The following SLC12A1 variants were observed in gnomAD, a reference collection of about 807,000 sequenced individuals.
SLC12A1 encodes the protein Na-K-2Cl cotransporter.
In SLC12A1, 89 loss-of-function variants were observed where a neutral mutation model predicts 130.4. The ratio of observed to expected loss-of-function variants is 0.68; its 90% CI spans 0.58 to 0.81. The LOEUF (loss-of-function observed/expected upper bound fraction) is 0.81, where lower values mean the gene tolerates loss of function less well. Among genes scored for constraint, SLC12A1 ranks in the 40% least tolerant of loss-of-function variants. The pLI is 0.00. For synonymous variants in SLC12A1, 499 were observed against 460.0 expected (o/e 1.08, Z -1.09); for missense variants, 1,310 against 1,336.4 (o/e 0.98, Z 0.31).
chr15:48,238,103 C>G (rs77612644), intron 9 of SLC12A1, among the ~76,000 whole-genome samples: 1 of 152,310 alleles, frequency 6.6e-6, no homozygotes, highest in African/African-American at 2.4e-5. Context: ...AGAAAATTGT[C>G]CCCAAATGAT....
At chr15:48,301,589 G>A (rs1192195098) in intron 26 of SLC12A1, among the ~76,000 whole-genome samples, 1 of 151,548 alleles carries the variant, frequency 6.6e-6, no homozygotes, top group Non-Finnish European at 1.5e-5. Context: ...ATGAGCATCA[G>A]AGAGCCTCAC....
intron 15 of SLC12A1, among the ~76,000 whole-genome samples, chr15:48,253,646 C>G (rs1034468823): frequency 1.3e-5 from 2 of 151,904 alleles, no homozygotes; most frequent in Non-Finnish European, 2.9e-5. Flanking sequence ...TTTATGTGGA[C>G]TTATGTTTTC....
At position 48,269,912 on chromosome 15, in the gene SLC12A1, G is replaced by GA. The variant is rs199865769; in HGVS notation, c.2402+155dup. ...GGTACTCTGACTTCTTTTCCAAGGTGAAAAAAACACCACCAATAATAGAGT... is the reference window on the plus strand; with the variant it reads ...GGTACTCTGACTTCTTTTCCAAGGTGAAAAAAAACACCACCAATAATAGAGT... On this transcript the variant is annotated intron_variant, in intron 19 of 26. Coordinates refer to ENST00000380993, the MANE Select transcript of SLC12A1 (RefSeq NM_000338.3). The GA allele has an allele frequency of 1.2e-3, 550 of 445,260 alleles. 2 individuals are homozygous for GA. The East Asian group carries it at 0.012, about 10-fold the overall frequency. The allele number at this position is 445,260 out of a possible 1,614,324, so 27.6% of individuals were successfully genotyped here.
chr15:48,226,575 A>T lies in SLC12A1; in HGVS notation c.724+4A>T, dbSNP rs774515747. 1 of 1,586,846 alleles carries T rather than the reference A, an allele frequency of 6.3e-7. No individual in the cohort carries two copies. ...ACTAACGGGTTTGTTCGTGGAGGTA[A>T]AATCTCTAAGATATCTAATGCCCTC... On this transcript the variant is annotated splice_donor_region_variant and intron_variant, in intron 5 of 26. Coordinates refer to ENST00000380993, the MANE Select transcript of SLC12A1 (RefSeq NM_000338.3).
At chr15:48,259,379 G>T in intron 17 of SLC12A1, 68 bp downstream of exon 17, 1 of 1,085,290 alleles carries the variant, frequency 9.2e-7, no homozygotes, top group Non-Finnish European at 1.4e-6. Flanking sequence ...TTTGGGTGAG[G>T]AGAAAAGGTA....
chr15:48,302,950 C>T lies in SLC12A1; in HGVS notation c.*65C>T, dbSNP rs1005579835. 3.9e-6 allele frequency: 5 copies of T among 1,266,386 alleles called. No homozygotes were observed. The highest frequency in any genetic ancestry group is 5.6e-6 in the Non-Finnish European group (5 of 894,980). 78.4% of individuals were successfully genotyped at this position (1,266,386 alleles called of 1,614,324 possible). ...CATAATTAAGAAACATGTTCCAGTA[C>T]TTTATGTTGTAAATCTGATCTATGG... On this transcript the variant is annotated 3_prime_UTR_variant, in exon 27 of 27. Transcript: ENST00000380993.
chr15:48,264,239 C>A (rs939362919), intron 17 of SLC12A1, among the ~76,000 whole-genome samples: 2 of 152,076 alleles, frequency 1.3e-5, no homozygotes, highest in Admixed American at 1.3e-4. Flanking sequence ...GGACTTTGAC[C>A]GGCTCTTAGA....
chr15:48,220,181 A>AGATT (rs2041192048), intron 2 of SLC12A1, among the ~76,000 whole-genome samples: 1 of 150,118 alleles, frequency 6.7e-6, no homozygotes, highest in Non-Finnish European at 1.5e-5. Context: ...ATAGATAGAT[A>AGATT]GATAAAATGA....
intron 9 of SLC12A1, 161 bp downstream of exon 9, chr15:48,235,165 C>A: frequency 1.3e-6 from 1 of 791,900 alleles, no homozygotes; most frequent in Non-Finnish European, 2.2e-6. Context: ...CTTTTAATGC[C>A]AAATTTGGAT....
At chr15:48,257,505 A>C (rs746654023) in intron 16 of SLC12A1, among the ~76,000 whole-genome samples, 1 of 152,022 alleles carries the variant, frequency 6.6e-6, no homozygotes, top group Non-Finnish European at 1.5e-5. Flanking sequence ...ATTTCCATAC[A>C]TCCTCTGACA....
At position 48,288,150 on chromosome 15, in the gene SLC12A1, G is replaced by A. The variant is rs747738761; in HGVS notation, c.2737G>A (p.Val913Ile). Residue 913 changes from valine (V) to isoleucine (I), a missense_variant, in exon 22 of 27, where the codon GTT becomes ATT. By Grantham distance (29) the Val-to-Ile change is conservative (BLOSUM62 3). Transcript: ENST00000380993. ...GAAACAAGAAAAAGGCACAATTGAT[G>A]TTTGGTGGTTGTTTGATGATGGAGG... ...KKKQEKGTID[V>I]WWLFDDGGLT... The A allele has an allele frequency of 6.2e-7, 1 of 1,609,870 alleles. No individual in the cohort carries two copies. The highest frequency in any genetic ancestry group is 8.5e-7 in the Non-Finnish European group (1 of 1,178,060).
chr15:48,281,922 G>C (rs1178334665), intron 20 of SLC12A1, among the ~76,000 whole-genome samples: 1 of 152,056 alleles, frequency 6.6e-6, no homozygotes, highest in Non-Finnish European at 1.5e-5. Flanking sequence ...AAAATGTTTA[G>C]ACAAAGTCTA....
chr15:48,257,714 T>G (rs928069774), intron 16 of SLC12A1, among the ~76,000 whole-genome samples: 1 of 152,190 alleles, frequency 6.6e-6, no homozygotes, highest in Non-Finnish European at 1.5e-5. Context: ...AGGGGGACCC[T>G]GGACCATGCC....
At chr15:48,296,875 CAAAGATGAACACAGA>C (rs2042182342) in intron 24 of SLC12A1, among the ~76,000 whole-genome samples, 1 of 152,072 alleles carries the variant, frequency 6.6e-6, no homozygotes, top group African/African-American at 2.4e-5. Flanking sequence ...ATAGACCAAT[CAAAGATGAACACAGA>C]GAAGGAGCAG....
intron 18 of SLC12A1, among the ~76,000 whole-genome samples, chr15:48,269,310 C>G (rs1222457805): frequency 6.6e-6 from 1 of 152,148 alleles, no homozygotes; most frequent in Non-Finnish European, 1.5e-5. Context: ...TGGAATTGAG[C>G]TTTGAACCAC....
At chr15:48,277,935 A>C (rs1468924319) in intron 20 of SLC12A1, among the ~76,000 whole-genome samples, 1 of 152,228 alleles carries the variant, frequency 6.6e-6, no homozygotes, top group Non-Finnish European at 1.5e-5. Flanking sequence ...ATTAAAAAAT[A>C]AAACAGCGAG....
At position 48,232,807 on chromosome 15, in the gene SLC12A1, G is replaced by C. The variant is rs2041397195; in HGVS notation, c.1056G>C (p.Glu352Asp). ...GAACTGTCATTCCATCCAACAATGA[G>C]AAAAAGTCCAGAGGTTTCTTTAATT... is the stretch of plus-strand genomic sequence containing the variant. ...FIGTVIPSNN[E>D]KKSRGFFNYQ... Residue 352 changes from glutamate to aspartate, a missense_variant, in exon 8 of 27, where the codon GAG becomes GAC. By Grantham distance (45) the Glu-to-Asp change is conservative (BLOSUM62 2). Coordinates refer to ENST00000380993, the MANE Select transcript of SLC12A1 (RefSeq NM_000338.3). 2 of 1,611,402 alleles carry C rather than the reference G, an allele frequency of 1.2e-6. No individual in the cohort carries two copies. The highest frequency in any genetic ancestry group is 1.7e-6 in the Non-Finnish European group (2 of 1,178,064).
chr15:48,226,698 C>T (rs1400336025), intron 5 of SLC12A1, 127 bp downstream of exon 5: 3 of 680,684 alleles, frequency 4.4e-6, no homozygotes, highest in Non-Finnish European at 7.7e-6. Context: ...TTTGGAGGAG[C>T]TGGATGCCAA....
intron 7 of SLC12A1, among the ~76,000 whole-genome samples, chr15:48,232,222 A>G (rs553741271): frequency 1.3e-5 from 2 of 152,328 alleles, no homozygotes; most frequent in Non-Finnish European, 1.5e-5. Context: ...CCATCTGACC[A>G]GTCAACTTTG....
Sources: allele counts gnomAD v4.1 joint callset (sites outside exome capture counted in the v4.1 genomes callset), GRCh38; gene constraint gnomAD v4.1.1; transcripts MANE v1.5; gene names NCBI Gene and HGNC (gene_info 2026-07-23, HGNC 2026-07-21).